Variants in CFH observed in about 807,000 individuals in gnomAD.
CFH encodes the protein complement factor H, also known as H factor 1 (complement).
CFH carries 53 observed loss-of-function variants against 147.3 expected under a neutral mutation model. The ratio of observed to expected loss-of-function variants is 0.36; its 90% CI spans 0.29 to 0.45. The LOEUF (loss-of-function observed/expected upper bound fraction) is 0.45, where lower values mean the gene tolerates loss of function less well. CFH is among the 20% of genes least tolerant of loss of function. The pLI is 1.00. For missense variants in CFH, 1,380 were observed against 1,498.0 expected (o/e 0.92, Z 1.30); for synonymous variants, 536 against 489.4 (o/e 1.10, Z -1.26).
At position 196,687,140 on chromosome 1, in the gene CFH, A is replaced by G. The variant is rs979773055; in HGVS notation, c.964+1903A>G. ...CCTGGACTTGGGTCAAATAAATTAC[A>G]GTATGAATATATTAGCAGCAGTTAT... On this transcript the variant is annotated intron_variant, in intron 7 of 21. Coordinates refer to ENST00000367429, the MANE Select transcript of CFH (RefSeq NM_000186.4). Among the ~76,000 whole-genome samples, 8 of 152,238 alleles carry G rather than the reference A, an allele frequency of 5.3e-5. No individual in the cohort carries two copies. The East Asian group carries it at 9.7e-4, about 18-fold the overall frequency.
chr1:196,678,931 C>T (rs977345886), intron 5 of CFH: 1 of 152,096 alleles, frequency 6.6e-6, no homozygotes, highest in African/African-American at 2.4e-5. Context: ...CTGAAGAACG[C>T]GTCTTTTATT....
intron 7 of CFH, among the ~76,000 whole-genome samples, chr1:196,689,028 AAAGAAAG>A (rs2149087950): frequency 4.6e-5 from 1 of 21,844 alleles, no homozygotes; most frequent in East Asian, 0.036. Flanking sequence ...AATAGAAAAA[AAAGAAAG>A]AAAGAAAGAA....
At chr1:196,680,749 C>T (rs1383127435) in intron 6 of CFH, among the ~76,000 whole-genome samples, 4 of 151,692 alleles carry the variant, frequency 2.6e-5, no homozygotes, top group African/African-American at 4.8e-5. Context: ...ACTTTAAATC[C>T]CATGATTCAT....
chr1:196,658,714 C>G (rs764498551), intron 1 of CFH, among the ~76,000 whole-genome samples: 1 of 151,690 alleles, frequency 6.6e-6, no homozygotes, highest in Admixed American at 6.6e-5. Context: ...CATGAGCCAC[C>G]GCGCCCGGCC....
chr1:196,735,933 C>T (rs1232152195), intron 15 of CFH, among the ~76,000 whole-genome samples: 1 of 151,880 alleles, frequency 6.6e-6, no homozygotes, highest in Non-Finnish European at 1.5e-5. Flanking sequence ...GCCATGATTT[C>T]CTATAGTACG....
intron 12 of CFH, 49 bp from the exon 13 acceptor site, chr1:196,726,421 T>C (rs879442171): frequency 7.1e-7 from 1 of 1,405,960 alleles, no homozygotes; most frequent in Non-Finnish European, 1.0e-6. Context: ...AATTTTTATA[T>C]TGTAAAACAG....
chr1:196,739,302 T>G (rs1483088254), intron 17 of CFH, among the ~76,000 whole-genome samples: 2 of 152,236 alleles, frequency 1.3e-5, no homozygotes, highest in Admixed American at 6.5e-5. Flanking sequence ...GCAGCAGGCT[T>G]GAATTTCTCC....
chr1:196,662,683 A>T (rs1219179308), intron 1 of CFH, among the ~76,000 whole-genome samples: 3 of 152,004 alleles, frequency 2.0e-5, no homozygotes, highest in Non-Finnish European at 1.5e-5. Context: ...GGAGTTTGAG[A>T]CCAGCCTGGG....
At chr1:196,677,971 T>G (rs1326620204) in intron 5 of CFH, 1 of 371,826 alleles carries the variant, frequency 2.7e-6, no homozygotes, top group Non-Finnish European at 5.2e-6. Context: ...TAAATGTAGG[T>G]TATCTGACAC....
At chr1:196,700,980 T>C (rs1307311008) in intron 9 of CFH, 1 of 456,790 alleles carries the variant, frequency 2.2e-6, no homozygotes, top group African/African-American at 2.1e-5. Flanking sequence ...TTGTGGCCTC[T>C]TTGAGGTCTT....
At chr1:196,689,846 TATTA>T (rs1363788774) in intron 8 of CFH, among the ~76,000 whole-genome samples, 1 of 152,102 alleles carries the variant, frequency 6.6e-6, no homozygotes, top group Non-Finnish European at 1.5e-5. Flanking sequence ...TTTATACATC[TATTA>T]ATTATAAAAA....
chr1:196,673,877 G>T lies in CFH; in HGVS notation c.265G>T (p.Gly89Ter). Residue 89 changes from glycine to a stop codon, truncating the protein, a stop_gained, in exon 3 of 22, where the codon GGA (glycine) becomes TGA (stop). Coordinates refer to ENST00000367429, the MANE Select transcript of CFH (RefSeq NM_000186.4). LOFTEE classifies it high-confidence loss of function. ...TTTAGAAAGGCCCTGTGGACATCCT[G>T]GAGATACTCCTTTTGGTACTTTTAC... Reference protein sequence around the residue: ...KCQKRPCGHPGDTPFGTFTLT... With the variant: ...KCQKRPCGHP The T allele has an allele frequency of 6.2e-7, 1 of 1,612,702 alleles. No individual in the cohort carries two copies. Among genetic ancestry groups the T allele is most frequent in the Non-Finnish European group, 8.5e-7 (1 of 1,179,248 alleles).
rs1199260549 is a variant in CFH, at chr1:196,736,998, T to A, written c.2588T>A (p.Leu863His). The change falls in exon 16 of 22, where the codon CTC becomes CAC. Residue 863 changes from leucine (L) to histidine (H), a missense_variant. By Grantham distance (99) the Leu-to-His change is moderately conservative. Transcript: ENST00000367429. The part of the protein sequence containing the change: ...CKDGRWQSIP[L>H]CVEKIPCSQP... ...GATGGAAGATGGCAGTCAATACCAC[T>A]CTGTGTTGGTCAGTAGTGTATAATT... 1 of 1,608,876 alleles carries A rather than the reference T, an allele frequency of 6.2e-7. No individual in the cohort carries two copies. The highest frequency in any genetic ancestry group is 1.1e-5 in the South Asian group (1 of 90,932).
At chr1:196,685,005 A>T in intron 6 of CFH, 59 bp from the exon 7 acceptor site, 1 of 1,303,064 alleles carries the variant, frequency 7.7e-7, no homozygotes, top group Non-Finnish European at 1.1e-6. Context: ...GTTTATATAA[A>T]TGATTAATTT....
At chr1:196,689,384 A>G (rs1159430865) in intron 7 of CFH, 36 bp from the exon 8 acceptor site, 4 of 1,566,058 alleles carry the variant, frequency 2.6e-6, no homozygotes, top group Non-Finnish European at 2.6e-6. Flanking sequence ...TTACAGTAAA[A>G]TTTCTTTATA....
At chr1:196,691,956 A>G (rs1006138983) in intron 9 of CFH, among the ~76,000 whole-genome samples, 14 of 151,948 alleles carry the variant, frequency 9.2e-5, no homozygotes, top group African/African-American at 3.4e-4. Flanking sequence ...AATATGGTAA[A>G]CTCAACATTT....
chr1:196,679,646 G>T lies in CFH; in HGVS notation c.643G>T (p.Val215Phe). ...AGAAATTTCATGCAAATCCCCAGATGTTATAAATGGATCTCCTATATCTCA... is the reference window on the plus strand; with the variant it reads ...AGAAATTTCATGCAAATCCCCAGATTTTATAAATGGATCTCCTATATCTCA... The part of the protein sequence containing the change: ...CVEISCKSPD[V>F]INGSPISQKI... The change falls in exon 6 of 22, where the codon GTT becomes TTT. Residue 215 changes from valine (V) to phenylalanine (F), a missense_variant. By Grantham distance (50) the Val-to-Phe change is conservative (BLOSUM62 -1). Coordinates refer to ENST00000367429, the MANE Select transcript of CFH (RefSeq NM_000186.4). The T allele has an allele frequency of 6.2e-7, 1 of 1,605,218 alleles. No individual in the cohort carries two copies. Among genetic ancestry groups the T allele is most frequent in the South Asian group, 1.1e-5 (1 of 90,738 alleles).
At chr1:196,704,468 C>T (rs544864481) in intron 9 of CFH, among the ~76,000 whole-genome samples, 84 of 152,144 alleles carry the variant, frequency 5.5e-4, no homozygotes, top group Non-Finnish European at 9.3e-4. Context: ...GATTGGACAT[C>T]CAGGTGCCTT....
chr1:196,692,893 C>A (rs12136675), intron 9 of CFH, among the ~76,000 whole-genome samples: 1,924 of 74,158 alleles, frequency 0.026, 111 homozygotes, highest in African/African-American at 0.047. Flanking sequence ...CTCCCTCCCT[C>A]CCTCCCTCCC....
Sources: gnomAD v4.1 joint callset for allele counts (sites outside exome capture counted in the v4.1 genomes callset) on GRCh38, gnomAD v4.1.1 for gene constraint, MANE v1.5 for transcripts, NCBI Gene and HGNC (gene_info 2026-07-23, HGNC 2026-07-21) for gene names.